Variants in FHOD3 observed in about 807,000 individuals in gnomAD.
FHOD3 encodes the protein FH1/FH2 domain-containing protein 3.
A neutral mutation model predicts 173.0 loss-of-function variants in FHOD3; 90 were observed. The ratio of observed to expected loss-of-function variants is 0.52; its 90% CI spans 0.44 to 0.62. The LOEUF (loss-of-function observed/expected upper bound fraction) is 0.62. Among genes scored for constraint, FHOD3 ranks in the 20% least tolerant of loss-of-function variants. The pLI, the probability that FHOD3 is intolerant of heterozygous loss-of-function variation, is 0.00. For synonymous variants in FHOD3, 828 were observed against 823.0 expected, an observed-to-expected ratio of 1.01 and a Z score of -0.10; for missense variants, 1,945 against 2,034.7, an observed-to-expected ratio of 0.96 and a Z score of 0.85.
Position 36,606,769 on chromosome 18 carries a change from G to A in FHOD3, c.813+4001G>A, listed in dbSNP as rs79805650. 9.9e-3 allele frequency among the ~76,000 whole-genome samples: 1,500 copies of A among 152,284 alleles called. 47 individuals are homozygous for A. Among genetic ancestry groups the A allele is most frequent in the Admixed American group, 0.06 (924 of 15,298 alleles). Reference sequence around the variant, plus strand: ...AACAAGTTACCTACTTCCAAAATACGTTGGAACTGGCATAGATGTTCACAT... The same window carrying A: ...AACAAGTTACCTACTTCCAAAATACATTGGAACTGGCATAGATGTTCACAT... On this transcript the variant is annotated intron_variant, in intron 8 of 28. Transcript: ENST00000590592.
Position 36,692,611 on chromosome 18 carries a change from C to T in FHOD3, c.2022-598C>T, listed in dbSNP as rs2039031745. Among the ~76,000 whole-genome samples the T allele has an allele frequency of 5.9e-5, 9 of 152,150 alleles. 1 individual carries two copies. In the South Asian group the frequency reaches 1.9e-3, roughly 32 times the overall value. ...AATAAACTCTATGTGACGTCAGGTTCAAGCTATTGGATGTCTGATTCCTAC... is the reference window on the plus strand; with the variant it reads ...AATAAACTCTATGTGACGTCAGGTTTAAGCTATTGGATGTCTGATTCCTAC... On this transcript the variant is annotated intron_variant, in intron 16 of 28. Transcript: ENST00000590592.
intron 3 of FHOD3, among the ~76,000 whole-genome samples, chr18:36,424,851 G>A (rs535542450): frequency 6.6e-6 from 1 of 152,286 alleles, no homozygotes; most frequent in South Asian, 2.1e-4. Context: ...CCTTTGTTCA[G>A]CGTTTCTGTG....
intron 3 of FHOD3, among the ~76,000 whole-genome samples, chr18:36,424,990 A>G (rs973008677): frequency 7.2e-5 from 11 of 152,340 alleles, no homozygotes; most frequent in African/African-American, 2.6e-4. Context: ...AAAGCACAAG[A>G]CTAGTAATGC....
intron 4 of FHOD3, among the ~76,000 whole-genome samples, chr18:36,507,526 C>T (rs963682349): frequency 2.6e-5 from 4 of 152,112 alleles, no homozygotes; most frequent in South Asian, 4.2e-4. Context: ...GTCTTGAGTA[C>T]GGTAGTCTGT....
chr18:36,637,008 T>C (rs1481295736), intron 10 of FHOD3, among the ~76,000 whole-genome samples: 2 of 152,236 alleles, frequency 1.3e-5, no homozygotes, highest in Admixed American at 1.3e-4. Context: ...ATGAAGTACC[T>C]TGGACTCTAC....
intron 3 of FHOD3, among the ~76,000 whole-genome samples, chr18:36,478,159 G>C (rs935369637): frequency 8.5e-5 from 13 of 152,108 alleles, no homozygotes; most frequent in African/African-American, 3.1e-4. Flanking sequence ...GTAATGCTTG[G>C]GTGTTAATGA....
At chr18:36,357,441 G>A (rs572868114) in intron 2 of FHOD3, among the ~76,000 whole-genome samples, 14 of 152,126 alleles carry the variant, frequency 9.2e-5, no homozygotes, top group African/African-American at 1.7e-4. Context: ...ATGGCCATGC[G>A]CACCAAGAAG....
intron 22 of FHOD3, among the ~76,000 whole-genome samples, chr18:36,743,583 G>T (rs999469427): frequency 1.3e-5 from 2 of 152,060 alleles, no homozygotes; most frequent in African/African-American, 4.8e-5. Context: ...AGATATACAG[G>T]TTTGTTACAT....
chr18:36,419,887 C>T (rs1026163853), intron 3 of FHOD3, among the ~76,000 whole-genome samples: 6 of 152,198 alleles, frequency 3.9e-5, no homozygotes, highest in Admixed American at 1.3e-4. Context: ...TGCTGAGGAG[C>T]GCTAGCTCTG....
At chr18:36,391,141 A>G (rs1457624716) in intron 3 of FHOD3, among the ~76,000 whole-genome samples, 1 of 152,182 alleles carries the variant, frequency 6.6e-6, no homozygotes, top group Non-Finnish European at 1.5e-5. Context: ...GGTTTCATCT[A>G]ATGCTGCCAA....
At chr18:36,586,488 CTT>C (rs34226186) in intron 6 of FHOD3, among the ~76,000 whole-genome samples, 55 of 147,078 alleles carry the variant, frequency 3.7e-4, no homozygotes, top group East Asian at 6.0e-4. Flanking sequence ...GTGCATGTTA[CTT>C]TTTTTTTTTT....
intron 20 of FHOD3, among the ~76,000 whole-genome samples, chr18:36,738,911 T>C (rs2041772646): frequency 6.6e-6 from 1 of 152,240 alleles, no homozygotes; most frequent in South Asian, 2.1e-4. Context: ...CTAGTTCTTC[T>C]GCTTTACCGT....
chr18:36,638,151 A>G (rs2035024899), intron 10 of FHOD3, among the ~76,000 whole-genome samples: 2 of 152,184 alleles, frequency 1.3e-5, no homozygotes. Flanking sequence ...AAATAGCAAA[A>G]ACTCTTTAGA....
At chr18:36,627,029 T>C (rs1159110855) in intron 10 of FHOD3, among the ~76,000 whole-genome samples, 1 of 152,240 alleles carries the variant, frequency 6.6e-6, no homozygotes, top group Non-Finnish European at 1.5e-5. Flanking sequence ...CAGGCTTTTA[T>C]GTTTCTGAGA....
chr18:36,458,099 C>G (rs1333427980), intron 3 of FHOD3, among the ~76,000 whole-genome samples: 1 of 152,034 alleles, frequency 6.6e-6, no homozygotes, highest in Admixed American at 6.6e-5. Flanking sequence ...CTCTTCCCAC[C>G]CACCTATATC....
intron 2 of FHOD3, among the ~76,000 whole-genome samples, chr18:36,370,729 T>C (rs548509896): frequency 6.6e-6 from 1 of 152,344 alleles, no homozygotes; most frequent in Non-Finnish European, 1.5e-5. Flanking sequence ...CATTGACTTA[T>C]AACTGCTGGT....
chr18:36,403,028 C>T (rs754920858), intron 3 of FHOD3, among the ~76,000 whole-genome samples: 9 of 152,142 alleles, frequency 5.9e-5, no homozygotes, highest in Admixed American at 1.3e-4. Flanking sequence ...TGAAAATCTT[C>T]GAGGATAGTT....
chr18:36,600,299 A>G (rs1409247854), intron 7 of FHOD3, among the ~76,000 whole-genome samples: 3 of 149,860 alleles, frequency 2.0e-5, no homozygotes, highest in African/African-American at 7.3e-5. Context: ...ATATGCACAC[A>G]TACACACACA....
At chr18:36,485,025 T>C (rs1311820111) in intron 3 of FHOD3, among the ~76,000 whole-genome samples, 1 of 152,182 alleles carries the variant, frequency 6.6e-6, no homozygotes, top group Non-Finnish European at 1.5e-5. Context: ...CGTGCTTCTA[T>C]CTGCTCTACA....
Sources: gnomAD v4.1 joint callset for allele counts (sites outside exome capture counted in the v4.1 genomes callset) on GRCh38, gnomAD v4.1.1 for gene constraint, MANE v1.5 for transcripts, NCBI Gene and HGNC (gene_info 2026-07-23, HGNC 2026-07-21) for gene names.